Variants in SPRED2 observed in about 807,000 individuals in gnomAD.
SPRED2 encodes the protein sprouty related EVH1 domain containing 2, also known as sprouty-related, EVH1 domain-containing protein 2.
SPRED2 carries 47 observed loss-of-function variants against 43.0 expected under a neutral mutation model. The ratio of observed to expected loss-of-function variants is 1.09; its 90% CI spans 0.87 to 1.40. The LOEUF (loss-of-function observed/expected upper bound fraction) is 1.40. Among genes scored for constraint, SPRED2 ranks in the 40% most tolerant of loss-of-function variants. The pLI is 0.00. For missense variants in SPRED2, 561 were observed against 586.4 expected, an observed-to-expected ratio of 0.96 and a Z score of 0.45; for synonymous variants, 225 against 225.7, an observed-to-expected ratio of 1.00 and a Z score of 0.03.
intron 4 of SPRED2, among the ~76,000 whole-genome samples, chr2:65,325,910 G>A (rs1673595849): frequency 6.6e-6 from 1 of 151,994 alleles, no homozygotes; most frequent in South Asian, 2.1e-4. Context: ...TTGAACCCGG[G>A]AGGCGGAGGT....
In SPRED2 at chr2:65,339,720, TA is replaced by T. The variant is rs34726276; in HGVS notation, c.205-4948del. Among the ~76,000 whole-genome samples the T allele has an allele frequency of 3.1e-3, 442 of 143,140 alleles. 4 individuals carry two copies. The highest frequency in any genetic ancestry group is 0.019 in the Admixed American group (270 of 14,432). The allele number at this position is 143,140 out of a possible 152,430, so 93.9% of individuals were successfully genotyped here. On this transcript the variant is annotated intron_variant, in intron 2 of 5. Transcript: ENST00000356388. The stretch of plus-strand genomic sequence containing the variant: ...TGATCAATAAAAAATAAAATAAAAT[TA>T]AAAAAAAATCCTAAAAAAAAAAAAA...
chr2:65,404,459 T>C (rs1675976716), intron 1 of SPRED2, among the ~76,000 whole-genome samples: 2 of 152,238 alleles, frequency 1.3e-5, no homozygotes, highest in Non-Finnish European at 2.9e-5. Flanking sequence ...CATCTCTTTA[T>C]TGGATGGCTA....
At chr2:65,420,511 C>A (rs1436291614) in intron 1 of SPRED2, among the ~76,000 whole-genome samples, 1 of 152,228 alleles carries the variant, frequency 6.6e-6, no homozygotes, top group Non-Finnish European at 1.5e-5. Flanking sequence ...AAAGAGTAAG[C>A]ACTGACAAGT....
intron 1 of SPRED2, among the ~76,000 whole-genome samples, chr2:65,390,122 G>A (rs928941123): frequency 6.6e-6 from 1 of 152,174 alleles, no homozygotes; most frequent in African/African-American, 2.4e-5. Context: ...AATGTTTGAT[G>A]GTCTGGGCAG....
chr2:65,381,109 C>G (rs1675363463), intron 1 of SPRED2, among the ~76,000 whole-genome samples: 1 of 152,162 alleles, frequency 6.6e-6, no homozygotes, highest in African/African-American at 2.4e-5. Context: ...CAGCCTGACT[C>G]CAGACACATG....
chr2:65,376,492 T>C (rs553041007), intron 1 of SPRED2, among the ~76,000 whole-genome samples: 21 of 152,308 alleles, frequency 1.4e-4, no homozygotes, highest in African/African-American at 4.6e-4. Flanking sequence ...ATTGATTTGA[T>C]TCATAAATCA....
intron 1 of SPRED2, among the ~76,000 whole-genome samples, chr2:65,366,130 G>C (rs1674965631): frequency 6.6e-6 from 1 of 152,232 alleles, no homozygotes; most frequent in Middle Eastern, 3.4e-3. Context: ...TAGGAAAAAA[G>C]CACAGTACTG....
At chr2:65,366,323 C>CAAT (rs1250058949) in intron 1 of SPRED2, among the ~76,000 whole-genome samples, 3 of 152,032 alleles carry the variant, frequency 2.0e-5, no homozygotes, top group Non-Finnish European at 4.4e-5. Flanking sequence ...ACAACAACAA[C>CAAT]AAAACATTTC....
Position 65,322,288 on chromosome 2 carries a change from A to T in SPRED2, c.439-5405T>A, listed in dbSNP as rs866012772. 2.4e-3 allele frequency among the ~76,000 whole-genome samples: 215 copies of T among 88,492 alleles called. 4 individuals are homozygous for T. The highest frequency in any genetic ancestry group is 3.3e-3 in the Non-Finnish European group (159 of 48,166). The allele number at this position is 88,492 out of a possible 152,430, so 58.1% of individuals were successfully genotyped here. Reference sequence around the variant, plus strand: ...TCTCTCTCTATATATATATATATATATATATATTTTTTTTTTTTTTTTTGA... The same window carrying T: ...TCTCTCTCTATATATATATATATATTTATATATTTTTTTTTTTTTTTTTGA... On this transcript the variant is annotated intron_variant, in intron 4 of 5. Coordinates refer to ENST00000356388, the MANE Select transcript of SPRED2 (RefSeq NM_181784.3).
rs1558644876 is a variant in SPRED2, at chr2:65,313,733, C to A, written c.1025G>T (p.Cys342Phe). 1 of 1,614,096 alleles carries A rather than the reference C, an allele frequency of 6.2e-7. No homozygotes were observed. The highest frequency in any genetic ancestry group is 8.5e-7 in the Non-Finnish European group (1 of 1,180,030). Residue 342 changes from cysteine (C) to phenylalanine (F), a missense_variant, in exon 6 of 6, where the codon TGC becomes TTC. By Grantham distance (205) the Cys-to-Phe change is radical. Around this residue, in one of 6 missense-constraint regions of SPRED2, gnomAD observed 164 missense variants for 164.1 expected, o/e 1.00. Transcript: ENST00000356388. ...GAGCATGCTGTCCGCGCACCACATG[C>A]AGCTCACCCGGCGGATGCAAGTTCT... ...SVRTCIRRVS[C>F]MWCADSMLYH...
intron 1 of SPRED2, among the ~76,000 whole-genome samples, chr2:65,412,522 C>T (rs1007536430): frequency 1.4e-4 from 21 of 152,118 alleles, no homozygotes; most frequent in Non-Finnish European, 2.5e-4. Flanking sequence ...ATTTGCAATC[C>T]CATTGTTCCT....
intron 1 of SPRED2, among the ~76,000 whole-genome samples, chr2:65,401,937 G>GCGTGCGCACACACACACA (rs776512353): frequency 3.5e-5 from 4 of 114,762 alleles, no homozygotes; most frequent in Non-Finnish European, 7.5e-5. Context: ...GCGCGCGCGC[G>GCGTGCGCACACACACACA]CACACACACA....
chr2:65,418,254 A>C (rs1386523774), intron 1 of SPRED2, among the ~76,000 whole-genome samples: 1 of 152,196 alleles, frequency 6.6e-6, no homozygotes, highest in Non-Finnish European at 1.5e-5. Context: ...CAAAAGTCCA[A>C]ATACGTGCTT....
intron 1 of SPRED2, among the ~76,000 whole-genome samples, chr2:65,411,945 G>A (rs955574689): frequency 6.6e-6 from 1 of 152,086 alleles, no homozygotes; most frequent in Non-Finnish European, 1.5e-5. Flanking sequence ...GGCCAACACG[G>A]TGAAACTTCA....
In SPRED2 at chr2:65,311,875, A is replaced by G; in HGVS notation, c.*1626T>C. The stretch of plus-strand genomic sequence containing the variant: ...TTTCCCAATATGATTGGCAGACTGG[A>G]AAAAAGTCCCTTTCCTTGAAGACTG... On this transcript the variant is annotated 3_prime_UTR_variant, in exon 6 of 6. Transcript: ENST00000356388. 1 of 985,446 alleles carries G rather than the reference A, an allele frequency of 1.0e-6. No individual in the cohort carries two copies. Among genetic ancestry groups the G allele is most frequent in the African/African-American group, 1.7e-5 (1 of 57,362 alleles). 61.0% of individuals were successfully genotyped at this position (985,446 alleles called of 1,614,324 possible). A position where few individuals can be genotyped will look rare whatever the true frequency, so the allele number is the denominator to read the frequency against.
chr2:65,322,818 C>T (rs565027355), intron 4 of SPRED2, among the ~76,000 whole-genome samples: 5 of 152,230 alleles, frequency 3.3e-5, no homozygotes, highest in African/African-American at 1.2e-4. Flanking sequence ...AGGATTTTCA[C>T]CAGATATTAG....
At chr2:65,336,507 A>G (rs1673970705) in intron 2 of SPRED2, among the ~76,000 whole-genome samples, 1 of 152,222 alleles carries the variant, frequency 6.6e-6, no homozygotes. Flanking sequence ...AGATCGGACA[A>G]CAGTTCCCTC....
chr2:65,388,378 C>T (rs1035951638), intron 1 of SPRED2, among the ~76,000 whole-genome samples: 3 of 152,194 alleles, frequency 2.0e-5, no homozygotes, highest in East Asian at 1.9e-4. Context: ...CAGCCCTAGG[C>T]GGCATGTGGG....
chr2:65,381,489 G>A (rs187158215), intron 1 of SPRED2, among the ~76,000 whole-genome samples: 142 of 152,314 alleles, frequency 9.3e-4, no homozygotes, highest in Non-Finnish European at 1.7e-3. Flanking sequence ...GGAAACAAGA[G>A]TATCTCCTCT....
Sources: allele counts gnomAD v4.1 joint callset (sites outside exome capture counted in the v4.1 genomes callset), GRCh38; gene constraint gnomAD v4.1.1; regional missense constraint gnomAD v4.1.1; transcripts MANE v1.5; gene names NCBI Gene and HGNC (gene_info 2026-07-23, HGNC 2026-07-21).